Variants in LRIG3 observed in about 807,000 individuals in gnomAD.
LRIG3 encodes leucine-rich repeats and immunoglobulin-like domains protein 3.
LRIG3 carries 76 observed loss-of-function variants against 114.5 expected under a neutral mutation model. That is an observed-to-expected ratio of 0.66 (90% CI 0.55 to 0.80). The LOEUF (loss-of-function observed/expected upper bound fraction) is 0.80, where lower values mean the gene tolerates loss of function less well. Ranked by LOEUF, LRIG3 falls within the 30% of genes least tolerant of loss-of-function variation. The pLI is 0.00. For synonymous variants in LRIG3, 512 were observed against 519.8 expected (o/e 0.98, Z 0.20); for missense variants, 1,239 against 1,382.8 (o/e 0.90, Z 1.65).
chr12:58,905,471 A>C (rs1486052025), intron 3 of LRIG3, among the ~76,000 whole-genome samples: 2 of 152,330 alleles, frequency 1.3e-5, no homozygotes, highest in East Asian at 3.9e-4. Context: ...GAGCTGCATA[A>C]GTTTATTTCC....
intron 6 of LRIG3, 134 bp from the exon 7 acceptor site, chr12:58,888,606 A>T (rs982134560): frequency 7.7e-7 from 1 of 1,306,606 alleles, no homozygotes; most frequent in Non-Finnish European, 1.0e-6. Context: ...TGAAGACGTC[A>T]GCAAAAAAAT....
At chr12:58,913,836 T>C in intron 3 of LRIG3, 146 bp downstream of exon 3, 1 of 620,154 alleles carries the variant, frequency 1.6e-6, no homozygotes, top group Middle Eastern at 3.5e-4. Flanking sequence ...AGAAAACAAG[T>C]TAACCAATTT....
chr12:58,897,356 A>C (rs1287350351), intron 3 of LRIG3, among the ~76,000 whole-genome samples: 1 of 152,212 alleles, frequency 6.6e-6, no homozygotes, highest in African/African-American at 2.4e-5. Context: ...TCACAAACAT[A>C]ATAAAGATGG....
chr12:58,883,137 A>C, intron 11 of LRIG3, 105 bp from the exon 12 acceptor site: 1 of 1,060,248 alleles, frequency 9.4e-7, no homozygotes, highest in Non-Finnish European at 1.3e-6. Context: ...TGGAAACTGA[A>C]TACACACATC....
chr12:58,882,134 GTTC>G (rs1871146678), intron 12 of LRIG3, among the ~76,000 whole-genome samples: 2 of 152,268 alleles, frequency 1.3e-5, no homozygotes, highest in South Asian at 4.2e-4. Context: ...GCAAAAGAAG[GTTC>G]TTAATATTTT....
rs1165721653 is a variant in LRIG3 at position 58,920,464 on chromosome 12, G to A, written c.-229C>T. Reference sequence around the variant, plus strand: ...AACTGCCAACTGCAACAGAGTTGCAGCTTGAGCAGCGTCGGCTCGCCGAAG... The same window carrying A: ...AACTGCCAACTGCAACAGAGTTGCAACTTGAGCAGCGTCGGCTCGCCGAAG... On this transcript the variant is annotated 5_prime_UTR_variant, in exon 1 of 19. Coordinates refer to ENST00000320743, the MANE Select transcript of LRIG3 (RefSeq NM_153377.5). The A allele has an allele frequency of 5.2e-5, 20 of 387,570 alleles. No individual in the cohort carries two copies. The highest frequency in any genetic ancestry group is 8.6e-5 in the Non-Finnish European group (19 of 220,282). 24.0% of individuals were successfully genotyped at this position (387,570 alleles called of 1,614,324 possible).
At chr12:58,889,030 C>A in intron 5 of LRIG3, 68 bp from the exon 6 acceptor site, 1 of 1,447,998 alleles carries the variant, frequency 6.9e-7, no homozygotes, top group South Asian at 1.3e-5. Flanking sequence ...TAAAATGTGT[C>A]ATTACTACAA....
At chr12:58,881,555 T>C (rs1320526401) in intron 12 of LRIG3, among the ~76,000 whole-genome samples, 1 of 152,182 alleles carries the variant, frequency 6.6e-6, no homozygotes, top group Non-Finnish European at 1.5e-5. Flanking sequence ...ACATTATAAT[T>C]AGAGCTAAGC....
rs771075384 is a variant in LRIG3, at chr12:58,880,825, G to A, written c.1557C>T (p.Ile519=). The part of the protein sequence containing the change: ...SAIKGSNLSF[I]CSAASSSDSP... The stretch of plus-strand genomic sequence containing the variant: ...AATCACTGCTGCTGGCAGCTGAGCA[G>A]ATGAAACTCAAATTGGAACCTTTTA... Residue 519 remains isoleucine (I), a synonymous_variant, in exon 13 of 19, where the codon ATC becomes ATT. Transcript: ENST00000320743. The A allele has an allele frequency of 1.2e-6, 2 of 1,614,216 alleles. No individual in the cohort carries two copies. The highest frequency in any genetic ancestry group is 8.5e-7 in the Non-Finnish European group (1 of 1,180,034).
intron 18 of LRIG3, chr12:58,873,558 C>T (rs1393667565): frequency 1.8e-5 from 3 of 164,294 alleles, no homozygotes; most frequent in Admixed American, 1.7e-4. Flanking sequence ...CTAACACCAC[C>T]GACTTGGACC....
chr12:58,906,424 A>G (rs1423839733), intron 3 of LRIG3, among the ~76,000 whole-genome samples: 1 of 152,216 alleles, frequency 6.6e-6, no homozygotes, highest in Non-Finnish European at 1.5e-5. Flanking sequence ...CTTTAAAGTT[A>G]TATGTTGAGT....
At chr12:58,887,725 A>C in intron 8 of LRIG3, 64 bp downstream of exon 8, 1 of 1,553,220 alleles carries the variant, frequency 6.4e-7, no homozygotes, top group Non-Finnish European at 8.8e-7. Flanking sequence ...ATCTGCTAGG[A>C]GAAAAGTGGG....
chr12:58,914,264 C>T lies in LRIG3; in HGVS notation c.308+1G>A. ...TTAAAAACAAAATAACGAAGACTCA[C>T]ACTTCTCGAAGGCTTTGAAGGTGGC... is the stretch of plus-strand genomic sequence containing the variant. On this transcript the variant is annotated splice_donor_variant, in intron 2 of 18. Coordinates refer to ENST00000320743, the MANE Select transcript of LRIG3 (RefSeq NM_153377.5). LOFTEE classifies it high-confidence loss of function. 6.2e-7 allele frequency: 1 copy of T among 1,613,748 alleles called. No homozygotes were observed. The highest frequency in any genetic ancestry group is 8.5e-7 in the Non-Finnish European group (1 of 1,179,736).
intron 2 of LRIG3, 62 bp from the exon 3 acceptor site, chr12:58,914,118 G>A (rs1872386973): frequency 1.3e-6 from 2 of 1,554,168 alleles, no homozygotes; most frequent in Admixed American, 1.9e-5. Flanking sequence ...AATTCACAGA[G>A]GTGAAAACTT....
At chr12:58,902,563 CTTTT>C (rs1014265665) in intron 3 of LRIG3, among the ~76,000 whole-genome samples, 2 of 151,814 alleles carry the variant, frequency 1.3e-5, no homozygotes, top group South Asian at 2.1e-4. Flanking sequence ...TGCCTTTTCT[CTTTT>C]TTTTATTTTT....
At chr12:58,873,426 C>T (rs1463918319) in intron 18 of LRIG3, 3 of 152,856 alleles carry the variant, frequency 2.0e-5, no homozygotes, top group Non-Finnish European at 4.4e-5. Flanking sequence ...GTCAACATGG[C>T]AAGTTGTGGC....
intron 16 of LRIG3, among the ~76,000 whole-genome samples, chr12:58,876,038 C>CGA (rs1374673781): frequency 6.6e-6 from 1 of 152,056 alleles, no homozygotes; most frequent in African/African-American, 2.4e-5. Flanking sequence ...GGTGACAGAG[C>CGA]GAGACTTCGT....
Position 58,876,589 on chromosome 12 carries a change from G to A in LRIG3, c.2551C>T (p.Pro851Ser), listed in dbSNP as rs1870926438. 1.9e-6 allele frequency: 3 copies of A among 1,614,100 alleles called. No homozygotes were observed. Among genetic ancestry groups the A allele is most frequent in the Middle Eastern group, 1.6e-4 (1 of 6,062 alleles). The change falls in exon 16 of 19, where the codon CCA becomes TCA. Residue 851 changes from proline (P) to serine (S), a missense_variant. Coordinates refer to ENST00000320743, the MANE Select transcript of LRIG3 (RefSeq NM_153377.5). ...GACAAATAACTAGGAATATCTGCTG[G>A]CAAGTTGGTCTCATCTGTAATAAAA... ...SITNTDETNL[P>S]ADIPSYLSSQ... is the part of the protein sequence containing the mutation.
In LRIG3 at chr12:58,874,656, T is replaced by G. The variant is rs1037349346; in HGVS notation, c.2696-83A>C. The G allele has an allele frequency of 6.3e-5, 98 of 1,546,350 alleles. 4 individuals carry two copies. The Admixed American group carries it at 1.7e-3, about 27-fold the overall frequency. The stretch of plus-strand genomic sequence containing the variant: ...CCCCAGTTTTGGCATCTTCCATATT[T>G]ATAGATGAAAGTTTGACTAGAACAT... On this transcript the variant is annotated intron_variant, in intron 16 of 18. Coordinates refer to ENST00000320743, the MANE Select transcript of LRIG3 (RefSeq NM_153377.5).
Sources: gnomAD v4.1 joint callset for allele counts (sites outside exome capture counted in the v4.1 genomes callset) on GRCh38, gnomAD v4.1.1 for gene constraint, MANE v1.5 for transcripts, NCBI Gene and HGNC (gene_info 2026-07-23, HGNC 2026-07-21) for gene names.